The following AFG1L variants were observed in gnomAD, a reference collection of about 807,000 sequenced individuals.
AFG1L encodes the protein AFG1-like ATPase.
Under a neutral mutation model 62.2 loss-of-function variants are expected in AFG1L, and 53 were observed. That is an observed-to-expected ratio of 0.85 (90% CI 0.68 to 1.07). The LOEUF is 1.07. AFG1L is among the 50% of genes least tolerant of loss of function. The pLI is 0.00. For synonymous variants in AFG1L, 228 were observed against 210.3 expected (o/e 1.08, Z -0.73); for missense variants, 555 against 590.5 (o/e 0.94, Z 0.62).
rs537271252 is a variant in AFG1L at position 108,336,613 on chromosome 6, T to C, written c.364-10375T>C. Among the ~76,000 whole-genome samples, 16 of 152,334 alleles carry C rather than the reference T, an allele frequency of 1.1e-4. No homozygotes were observed. The South Asian group carries it at 3.1e-3, about 30-fold the overall frequency. ...TAAAGGAATAGTTTTGATAACAGTT[T>C]TGAAAGCAAATGTCTACAATACAAA... is the stretch of plus-strand genomic sequence containing the variant. On this transcript the variant is annotated intron_variant, in intron 2 of 12. Transcript: ENST00000368977.
chr6:108,382,351 A>G (rs1007437163), intron 6 of AFG1L, among the ~76,000 whole-genome samples: 4 of 152,138 alleles, frequency 2.6e-5, no homozygotes, highest in Non-Finnish European at 4.4e-5. Context: ...GAATGTCAAA[A>G]TAATACTATT....
chr6:108,443,101 A>G (rs1421977585), intron 7 of AFG1L, among the ~76,000 whole-genome samples: 1 of 152,230 alleles, frequency 6.6e-6, no homozygotes, highest in African/African-American at 2.4e-5. Flanking sequence ...AAAGAGGTTT[A>G]AAAAACATTA....
At chr6:108,354,727 G>C (rs1779202307) in intron 3 of AFG1L, among the ~76,000 whole-genome samples, 1 of 152,142 alleles carries the variant, frequency 6.6e-6, no homozygotes, top group African/African-American at 2.4e-5. Context: ...GGGGTGACAT[G>C]AGGCCTCTTC....
Position 108,505,069 on chromosome 6 carries a change from C to T in AFG1L, c.1063-5143C>T, listed in dbSNP as rs1369748715. Among the ~76,000 whole-genome samples, 9 of 150,216 alleles carry T rather than the reference C, an allele frequency of 6.0e-5. No individual in the cohort carries two copies. In the Admixed American group the frequency reaches 6.0e-4, roughly 10 times the overall value. ...CTGAATACTTAGAAAACCTCAAGCC[C>T]TGAGCTTGGATTTTTTTTTTTTCTT... is the stretch of plus-strand genomic sequence containing the variant. On this transcript the variant is annotated intron_variant, in intron 10 of 12. Transcript: ENST00000368977.
At chr6:108,295,283 C>T in intron 1 of AFG1L, 65 bp downstream of exon 1, 1 of 1,512,556 alleles carries the variant, frequency 6.6e-7, no homozygotes, top group East Asian at 2.3e-5. Context: ...TCTGGGATTA[C>T]CCTCCCTGTC....
chr6:108,460,625 T>C (rs1191077088), intron 8 of AFG1L, among the ~76,000 whole-genome samples: 1 of 152,144 alleles, frequency 6.6e-6, no homozygotes, highest in African/African-American at 2.4e-5. Context: ...TGAGACAAGG[T>C]CTCACTATGT....
chr6:108,476,221 G>A (rs1773099093), intron 8 of AFG1L, among the ~76,000 whole-genome samples: 1 of 152,192 alleles, frequency 6.6e-6, no homozygotes, highest in African/African-American at 2.4e-5. Context: ...ATTCTGTGAT[G>A]AGACTAACTT....
At chr6:108,505,333 C>T (rs1482197721) in intron 10 of AFG1L, among the ~76,000 whole-genome samples, 3 of 152,084 alleles carry the variant, frequency 2.0e-5, no homozygotes, top group Non-Finnish European at 4.4e-5. Context: ...ACCTCGTGTT[C>T]CACTCGCCTC....
At chr6:108,354,668 G>A (rs1026410067) in intron 3 of AFG1L, among the ~76,000 whole-genome samples, 5 of 152,144 alleles carry the variant, frequency 3.3e-5, no homozygotes, top group Non-Finnish European at 7.4e-5. Context: ...TGAATACAGT[G>A]TGGATATGCT....
chr6:108,371,402 C>A (rs939984835), intron 6 of AFG1L, among the ~76,000 whole-genome samples: 2 of 151,962 alleles, frequency 1.3e-5, no homozygotes, highest in African/African-American at 4.8e-5. Context: ...CATAATGAGA[C>A]CCTATCTCTA....
intron 2 of AFG1L, among the ~76,000 whole-genome samples, chr6:108,329,712 TC>T (rs1778196776): frequency 1.3e-5 from 2 of 152,196 alleles, no homozygotes; most frequent in African/African-American, 2.4e-5. Flanking sequence ...CTATTTTTTT[TC>T]TAAAAACAAA....
chr6:108,352,807 C>T (rs993515211), intron 3 of AFG1L, among the ~76,000 whole-genome samples: 3 of 152,072 alleles, frequency 2.0e-5, no homozygotes, highest in African/African-American at 7.2e-5. Context: ...CTCAAGTAAT[C>T]TGCCTGCCTT....
intron 1 of AFG1L, among the ~76,000 whole-genome samples, chr6:108,303,628 A>G (rs1239208575): frequency 6.6e-6 from 1 of 152,136 alleles, no homozygotes; most frequent in African/African-American, 2.4e-5. Flanking sequence ...AAGCTACTCT[A>G]TGAACATGTT....
intron 6 of AFG1L, among the ~76,000 whole-genome samples, chr6:108,384,913 A>G (rs1199659889): frequency 1.3e-5 from 2 of 152,200 alleles, no homozygotes; most frequent in African/African-American, 4.8e-5. Context: ...AGAAGAAAAG[A>G]AACAGAGCAT....
At position 108,371,267 on chromosome 6, in the gene AFG1L, A is replaced by G. The variant is rs141032323; in HGVS notation, c.748+4935A>G. ...TGGTGTGATACCACTACAAGACACTAGAAATGTTGTTTAAAATAAACTAAA... is the reference window on the plus strand; with the variant it reads ...TGGTGTGATACCACTACAAGACACTGGAAATGTTGTTTAAAATAAACTAAA... On this transcript the variant is annotated intron_variant, in intron 6 of 12. Coordinates refer to ENST00000368977, the MANE Select transcript of AFG1L (RefSeq NM_145315.5). Among the ~76,000 whole-genome samples the G allele has an allele frequency of 3.3e-3, 500 of 152,248 alleles. 6 individuals are homozygous for G. The highest frequency in any genetic ancestry group is 4.4e-3 in the Non-Finnish European group (296 of 67,992).
intron 10 of AFG1L, among the ~76,000 whole-genome samples, chr6:108,492,300 T>G (rs774026823): frequency 6.6e-6 from 1 of 150,656 alleles, no homozygotes; most frequent in East Asian, 2.0e-4. Context: ...AATGTACAAG[T>G]CTTTCCTCCC....
At position 108,440,541 on chromosome 6, in the gene AFG1L, A is replaced by G. The variant is rs184533017; in HGVS notation, c.808-6673A>G. 1.4e-3 allele frequency among the ~76,000 whole-genome samples: 209 copies of G among 152,214 alleles called. 1 individual carries two copies. Among genetic ancestry groups the G allele is most frequent in the Admixed American group, 0.012 (189 of 15,286 alleles). On this transcript the variant is annotated intron_variant, in intron 7 of 12. Coordinates refer to ENST00000368977, the MANE Select transcript of AFG1L (RefSeq NM_145315.5). ...GTTATTTAAAATTTTATTTCCTGGA[A>G]TAAGAAAAAGTCTCGACTGGGCGTG...
intron 2 of AFG1L, among the ~76,000 whole-genome samples, chr6:108,336,843 G>A (rs1778494318): frequency 6.6e-6 from 1 of 152,114 alleles, no homozygotes; most frequent in African/African-American, 2.4e-5. Flanking sequence ...CCATCTACAA[G>A]TAAGTTGCAT....
chr6:108,501,613 A>G (rs1012010926), intron 10 of AFG1L, among the ~76,000 whole-genome samples: 1 of 152,148 alleles, frequency 6.6e-6, no homozygotes, highest in Non-Finnish European at 1.5e-5. Flanking sequence ...AAGTCCTTAG[A>G]GTCCTCTCTA....
Sources: allele counts gnomAD v4.1 joint callset (sites outside exome capture counted in the v4.1 genomes callset), GRCh38; gene constraint gnomAD v4.1.1; transcripts MANE v1.5; gene names NCBI Gene and HGNC (gene_info 2026-07-23, HGNC 2026-07-21).